SAMMSON: variants seen among roughly 807,000 people sequenced by gnomAD.
SAMMSON encodes the protein long intergenic non-protein coding RNA 1212.
rs567736997 is a variant in SAMMSON, at chr3:70,319,851, T to C, written n.739+28608T>C. ...GATGTTTATTTAAAAAAAGATTTGG[T>C]ATATTATTGCCTCAGTTAATCCTGG... On this transcript the variant is annotated intron_variant and non_coding_transcript_variant, in intron 7 of 9. Transcript: ENST00000642114. Among the ~76,000 whole-genome samples the C allele has an allele frequency of 7.9e-5, 12 of 152,182 alleles. No individual in the cohort carries two copies. The South Asian group carries it at 2.5e-3, about 32-fold the overall frequency.
chr3:70,396,514 C>G (rs1291334724), intron 2 of SAMMSON, among the ~76,000 whole-genome samples: 1 of 152,142 alleles, frequency 6.6e-6, no homozygotes, highest in Non-Finnish European at 1.5e-5. Context: ...ATACATGATT[C>G]TGACATTGTT....
At chr3:70,104,406 G>A (rs1400009395) in intron 4 of SAMMSON, among the ~76,000 whole-genome samples, 1 of 152,024 alleles carries the variant, frequency 6.6e-6, no homozygotes, top group African/African-American at 2.4e-5. Context: ...GCATGCAAGG[G>A]ATTCTCAGGG....
intron 3 of SAMMSON, among the ~76,000 whole-genome samples, chr3:70,059,657 A>G (rs2067180400): frequency 6.6e-6 from 1 of 152,142 alleles, no homozygotes; most frequent in Non-Finnish European, 1.5e-5. Context: ...TGGTGAGGAC[A>G]GTCTGATTCA....
chr3:70,053,304 C>T (rs975584338), intron 3 of SAMMSON, among the ~76,000 whole-genome samples: 10 of 152,154 alleles, frequency 6.6e-5, no homozygotes, highest in Admixed American at 6.6e-4. Context: ...GATAGGGAGC[C>T]TGTAGCCTTT....
chr3:70,432,306 T>A (rs1169050295), intron 2 of SAMMSON, among the ~76,000 whole-genome samples: 2 of 151,876 alleles, frequency 1.3e-5, no homozygotes, highest in African/African-American at 4.8e-5. Context: ...GTGAGGTATA[T>A]GTTAGTCCTT....
chr3:70,008,353 GT>G (rs1553709797), intron 1 of SAMMSON, among the ~76,000 whole-genome samples: 2 of 152,028 alleles, frequency 1.3e-5, no homozygotes, highest in Non-Finnish European at 2.9e-5. Flanking sequence ...CCTTGAAGAG[GT>G]CCTTCACATC....
chr3:70,343,661 T>G (rs147951067), intron 7 of SAMMSON, among the ~76,000 whole-genome samples: 20 of 152,218 alleles, frequency 1.3e-4, no homozygotes, highest in Non-Finnish European at 7.4e-5. Flanking sequence ...AAGTTTCCAT[T>G]GTAAAATTAT....
At chr3:70,221,920 T>C (rs907087678) in intron 4 of SAMMSON, among the ~76,000 whole-genome samples, 11 of 152,218 alleles carry the variant, frequency 7.2e-5, no homozygotes, top group African/African-American at 2.7e-4. Context: ...TGAGTGTTAG[T>C]ACTCATCCTA....
At chr3:70,183,039 C>T (rs1241928276) in intron 4 of SAMMSON, among the ~76,000 whole-genome samples, 2 of 152,138 alleles carry the variant, frequency 1.3e-5, no homozygotes, top group Non-Finnish European at 1.5e-5. Flanking sequence ...TTTGGGTCCT[C>T]CTCAGGTCTC....
At chr3:70,098,350 G>A (rs1052184440) in intron 4 of SAMMSON, among the ~76,000 whole-genome samples, 9 of 151,918 alleles carry the variant, frequency 5.9e-5, no homozygotes, top group Non-Finnish European at 1.0e-4. Context: ...TGCCACCTGA[G>A]TGAGCTCTCT....
intron 4 of SAMMSON, among the ~76,000 whole-genome samples, chr3:70,111,755 G>A (rs531710650): frequency 5.3e-5 from 8 of 152,198 alleles, no homozygotes; most frequent in Non-Finnish European, 8.8e-5. Flanking sequence ...TCCAAAATCA[G>A]GAGTTCCAGA....
rs538090881 is a variant in SAMMSON at position 70,341,384 on chromosome 3, A to G, written n.740-12791A>G. Among the ~76,000 whole-genome samples, 10 of 152,236 alleles carry G rather than the reference A, an allele frequency of 6.6e-5. No homozygotes were observed. In the South Asian group the frequency reaches 2.1e-3, roughly 32 times the overall value. On this transcript the variant is annotated intron_variant and non_coding_transcript_variant, in intron 7 of 9. Coordinates refer to ENST00000642114, the Ensembl canonical transcript of SAMMSON. ...AGAATATTGTTTTTTTCCACCAATC[A>G]AAACCCTGATTTTTTCATGGTGAAA...
chr3:70,329,051 A>C (rs1002370010), intron 7 of SAMMSON, among the ~76,000 whole-genome samples: 1 of 152,156 alleles, frequency 6.6e-6, no homozygotes, highest in African/African-American at 2.4e-5. Flanking sequence ...AAAGAAATCA[A>C]CCAGCTAGCA....
At chr3:70,412,100 A>G (rs1701224378) in intron 2 of SAMMSON, among the ~76,000 whole-genome samples, 1 of 152,174 alleles carries the variant, frequency 6.6e-6, no homozygotes, top group African/African-American at 2.4e-5. Flanking sequence ...AATGAGGGGA[A>G]GCTTTTAAAG....
At chr3:70,080,518 T>G (rs1458684524) in intron 4 of SAMMSON, among the ~76,000 whole-genome samples, 5 of 152,176 alleles carry the variant, frequency 3.3e-5, no homozygotes, top group African/African-American at 1.2e-4. Context: ...CTCCTGTGCC[T>G]TTGTATGTAC....
At chr3:70,337,010 TTAA>T (rs1281463007) in intron 7 of SAMMSON, among the ~76,000 whole-genome samples, 4 of 144,610 alleles carry the variant, frequency 2.8e-5, no homozygotes, top group African/African-American at 7.5e-5. Flanking sequence ...AATATCTAAC[TTAA>T]TATTATTATT....
At chr3:70,244,775 C>T (rs566161780) in intron 4 of SAMMSON, among the ~76,000 whole-genome samples, 1 of 152,300 alleles carries the variant, frequency 6.6e-6, no homozygotes, top group East Asian at 1.9e-4. Context: ...TGTGTGCACA[C>T]ATATATAAAT....
chr3:70,288,256 G>A lies in SAMMSON; in HGVS notation n.675-2923G>A, dbSNP rs1463178795. 1.4e-3 allele frequency among the ~76,000 whole-genome samples: 181 copies of A among 127,162 alleles called. 1 individual carries two copies. The highest frequency in any genetic ancestry group is 5.3e-3 in the African/African-American group (172 of 32,508). 83.4% of individuals were successfully genotyped at this position (127,162 alleles called of 152,430 possible). A position where few individuals can be genotyped will look rare whatever the true frequency, so the allele number is the denominator to read the frequency against. ...TGCATCCCAGAGATTCTGGTATGTTGTGTCTTTGTTCTCGTTGGTTTCAAA... is the reference window on the plus strand; with the variant it reads ...TGCATCCCAGAGATTCTGGTATGTTATGTCTTTGTTCTCGTTGGTTTCAAA... On this transcript the variant is annotated intron_variant and non_coding_transcript_variant, in intron 6 of 9. Coordinates refer to ENST00000642114, the Ensembl canonical transcript of SAMMSON.
chr3:70,170,303 G>A (rs1386003080), intron 4 of SAMMSON, among the ~76,000 whole-genome samples: 1 of 151,674 alleles, frequency 6.6e-6, no homozygotes, highest in Admixed American at 6.6e-5. Flanking sequence ...CTTTTGTCAT[G>A]AAGATGAATA....
Sources: gnomAD v4.1 joint callset for allele counts (sites outside exome capture counted in the v4.1 genomes callset) on GRCh38, gnomAD v4.1.1 for gene constraint, MANE v1.5 for transcripts, NCBI Gene and HGNC (gene_info 2026-07-23, HGNC 2026-07-21) for gene names.